RERE: variants seen among roughly 807,000 people sequenced by gnomAD.
RERE encodes arginine-glutamic acid dipeptide repeats.
In RERE, 40 loss-of-function variants were observed where a neutral mutation model predicts 146.1. That is an observed-to-expected ratio of 0.27 (90% CI 0.21 to 0.36). The LOEUF (loss-of-function observed/expected upper bound fraction) is 0.36. RERE is among the 10% of genes least tolerant of loss of function. RERE has a pLI of 1.00. For synonymous variants in RERE, 1,003 were observed against 866.0 expected, an observed-to-expected ratio of 1.16 and a Z score of -2.78; for missense variants, 1,933 against 2,138.7, an observed-to-expected ratio of 0.90 and a Z score of 1.90.
chr1:8,447,044 TTCAA>T (rs1644331259), intron 11 of RERE, among the ~76,000 whole-genome samples: 1 of 151,664 alleles, frequency 6.6e-6, no homozygotes. Context: ...TAAGCTGATC[TTCAA>T]TCTCTGATAC....
At chr1:8,508,859 AC>A (rs1294996608) in intron 7 of RERE, among the ~76,000 whole-genome samples, 184 bp from the exon 8 acceptor site, 3 of 152,026 alleles carry the variant, frequency 2.0e-5, no homozygotes, top group Non-Finnish European at 4.4e-5. Flanking sequence ...CACCTCTAAA[AC>A]CTTTTCCTTT....
intron 4 of RERE, 104 bp downstream of exon 4, chr1:8,614,457 A>G (rs1646827773): frequency 1.6e-6 from 2 of 1,227,602 alleles, no homozygotes; most frequent in African/African-American, 1.5e-5. Context: ...CACATATAAT[A>G]CAGCACATTT....
intron 4 of RERE, among the ~76,000 whole-genome samples, chr1:8,599,541 T>C (rs996302132): frequency 6.6e-6 from 1 of 152,064 alleles, no homozygotes; most frequent in Non-Finnish European, 1.5e-5. Context: ...TAGGCAAAAA[T>C]AAATCACAAA....
At chr1:8,431,985 G>A (rs1644101556) in intron 11 of RERE, among the ~76,000 whole-genome samples, 1 of 152,070 alleles carries the variant, frequency 6.6e-6, no homozygotes, top group Admixed American at 6.6e-5. Context: ...CATGCTCCTC[G>A]GTTTTTGCAA....
intron 4 of RERE, among the ~76,000 whole-genome samples, chr1:8,575,553 A>AT (rs1557693766): frequency 1.1e-4 from 7 of 66,336 alleles, no homozygotes; most frequent in African/African-American, 5.4e-4. Context: ...ATATATATAT[A>AT]TATATATATT....
intron 1 of RERE, among the ~76,000 whole-genome samples, chr1:8,708,908 T>G (rs1325086638): frequency 1.2e-5 from 1 of 84,810 alleles, no homozygotes; most frequent in African/African-American, 4.7e-5. Context: ...CTCTGGAGTT[T>G]TTTTTTTTTT....
At chr1:8,691,024 A>C (rs866544493) in intron 1 of RERE, among the ~76,000 whole-genome samples, 55 of 152,104 alleles carry the variant, frequency 3.6e-4, no homozygotes, top group Admixed American at 6.5e-4. Flanking sequence ...CAGCCTCCTG[A>C]GTAGCTGGGA....
chr1:8,679,702 A>T (rs1405275003), intron 1 of RERE, among the ~76,000 whole-genome samples: 13 of 152,258 alleles, frequency 8.5e-5, no homozygotes, highest in Admixed American at 8.5e-4. Flanking sequence ...ACAAAGCTTC[A>T]ATTTCTGTAA....
chr1:8,630,151 A>C (rs889111178), intron 2 of RERE, among the ~76,000 whole-genome samples: 1 of 152,196 alleles, frequency 6.6e-6, no homozygotes, highest in Admixed American at 6.5e-5. Context: ...CCATTTTCCA[A>C]GACACACAAA....
At chr1:8,563,825 T>G (rs1048570489) in intron 4 of RERE, among the ~76,000 whole-genome samples, 3 of 152,220 alleles carry the variant, frequency 2.0e-5, no homozygotes, top group Admixed American at 6.5e-5. Context: ...AGATACTTTC[T>G]GAAGAAACTT....
chr1:8,405,354 C>T (rs1298766026), intron 12 of RERE, among the ~76,000 whole-genome samples: 1 of 151,978 alleles, frequency 6.6e-6, no homozygotes, highest in Non-Finnish European at 1.5e-5. Flanking sequence ...CGAAAAATAC[C>T]CCAGAAACTG....
chr1:8,750,738 A>G (rs1640516094), intron 1 of RERE: 4 of 786,014 alleles, frequency 5.1e-6, no homozygotes, highest in Admixed American at 1.7e-5. Flanking sequence ...GTGAGCCCAG[A>G]GGTCTGAAAG....
At chr1:8,540,133 G>A (rs11121199) in intron 7 of RERE, among the ~76,000 whole-genome samples, 93,443 of 151,778 alleles carry the variant, frequency 0.62, 29,134 homozygotes, top group East Asian at 0.83. Context: ...TCCCTCTGTC[G>A]CCCAGGCTGG....
intron 1 of RERE, among the ~76,000 whole-genome samples, chr1:8,774,947 CTTTCTT>C (rs1323094643): frequency 0.27 from 29,350 of 110,218 alleles, 3,609 homozygotes; most frequent in African/African-American, 0.31. Context: ...TTTCTTCTTT[CTTTCTT>C]TTTTTTTTTT....
chr1:8,525,854 T>C (rs1479844702), intron 7 of RERE: 2 of 1,499,912 alleles, frequency 1.3e-6, no homozygotes, highest in Non-Finnish European at 1.8e-6. Context: ...CTCTGCCCTT[T>C]TCTACACTAA....
chr1:8,604,501 G>A lies in RERE; in HGVS notation c.522+10060C>T, dbSNP rs147061761. On this transcript the variant is annotated intron_variant, in intron 4 of 22. Coordinates refer to ENST00000400908, the MANE Select transcript of RERE (RefSeq NM_001042681.2). ...GCTCCATCTCCACACAGAGGAGGTC[G>A]GCTGGTTTTCAGTTTTGTTTTGTTG... is the stretch of plus-strand genomic sequence containing the variant. 4.2e-3 allele frequency among the ~76,000 whole-genome samples: 622 copies of A among 148,556 alleles called. 6 individuals are homozygous for A. The highest frequency in any genetic ancestry group is 0.015 in the African/African-American group (596 of 40,644).
intron 7 of RERE, among the ~76,000 whole-genome samples, chr1:8,526,953 C>T (rs181324494): frequency 2.0e-5 from 3 of 152,194 alleles, no homozygotes; most frequent in Admixed American, 2.0e-4. Flanking sequence ...ATGAACCTCG[C>T]CAAAATTATA....
At chr1:8,383,438 T>G (rs918994766) in intron 12 of RERE, among the ~76,000 whole-genome samples, 1 of 152,106 alleles carries the variant, frequency 6.6e-6, no homozygotes, top group Non-Finnish European at 1.5e-5. Flanking sequence ...TGCACTTTAA[T>G]GCAGAATTAG....
intron 16 of RERE, among the ~76,000 whole-genome samples, chr1:8,362,125 G>C (rs1370800610): frequency 6.6e-6 from 1 of 152,220 alleles, no homozygotes; most frequent in Non-Finnish European, 1.5e-5. Flanking sequence ...GAAAATGTAG[G>C]CAGGACTGTG....
Sources: gnomAD v4.1 joint callset for allele counts (sites outside exome capture counted in the v4.1 genomes callset) on GRCh38, gnomAD v4.1.1 for gene constraint, MANE v1.5 for transcripts, NCBI Gene and HGNC (gene_info 2026-07-23, HGNC 2026-07-21) for gene names.